PCMTD2: variants seen among roughly 807,000 people sequenced by gnomAD.
PCMTD2 encodes the protein protein-L-isoaspartate O-methyltransferase domain-containing protein 2.
A neutral mutation model predicts 33.4 loss-of-function variants in PCMTD2; 16 were observed. That is an observed-to-expected ratio of 0.48 (90% confidence interval 0.32 to 0.73). The LOEUF (loss-of-function observed/expected upper bound fraction) is 0.73. Among genes scored for constraint, PCMTD2 ranks in the 30% least tolerant of loss-of-function variants. The pLI is 0.03. For synonymous variants in PCMTD2, 161 were observed against 160.8 expected (o/e 1.00, Z -0.01); for missense variants, 374 against 449.9 (o/e 0.83, Z 1.53).
chr20:64,256,090 G>T (rs1469267405), intron 1 of PCMTD2, among the ~76,000 whole-genome samples: 1 of 152,056 alleles, frequency 6.6e-6, no homozygotes, highest in Non-Finnish European at 1.5e-5. Context: ...GCGGTTTCCC[G>T]TCGGTCTCTC....
rs775544236 is a variant in PCMTD2, at chr20:64,260,213, C to T, written c.248C>T (p.Ser83Leu). The T allele has an allele frequency of 1.2e-6, 2 of 1,613,838 alleles. No individual in the cohort carries two copies. Among genetic ancestry groups the T allele is most frequent in the Non-Finnish European group, 8.5e-7 (1 of 1,179,716 alleles). Residue 83 changes from serine (S) to leucine (L), a missense_variant, in exon 2 of 6, where the codon TCG becomes TTG. By Grantham distance (145) the Ser-to-Leu change is moderately radical. Transcript: ENST00000308824. ...MEALDLQPGL[S>L]FLNLGSGTGY... ...GCCCTAGATCTGCAGCCTGGACTCT[C>T]GTTTCTGAACCTGGGCAGTGGCACT... is the stretch of plus-strand genomic sequence containing the variant.
chr20:64,261,587 T>C (rs756653611), intron 2 of PCMTD2, among the ~76,000 whole-genome samples: 34 of 135,988 alleles, frequency 2.5e-4, no homozygotes, highest in Non-Finnish European at 3.5e-4. Flanking sequence ...TTTGTGGATA[T>C]GGAATGATAA....
At chr20:64,270,445 C>G (rs1985866476) in intron 5 of PCMTD2, among the ~76,000 whole-genome samples, 1 of 142,184 alleles carries the variant, frequency 7.0e-6, no homozygotes, top group Non-Finnish European at 1.5e-5. Flanking sequence ...TGTCATGTGA[C>G]TGCGGATGTG....
At chr20:64,267,169 A>G (rs969216766) in intron 4 of PCMTD2, among the ~76,000 whole-genome samples, 2 of 152,218 alleles carry the variant, frequency 1.3e-5, no homozygotes, top group East Asian at 1.9e-4. Flanking sequence ...CCAGCCACAC[A>G]GAGTGCACAG....
At chr20:64,257,061 C>G (rs1985197658) in intron 1 of PCMTD2, 1 of 152,206 alleles carries the variant, frequency 6.6e-6, no homozygotes, top group African/African-American at 2.4e-5. Context: ...GGTGAGAAAT[C>G]TGTTTGTGTG....
chr20:64,256,172 A>G (rs1352214642), intron 1 of PCMTD2, among the ~76,000 whole-genome samples: 5 of 152,288 alleles, frequency 3.3e-5, no homozygotes, highest in South Asian at 2.1e-4. Context: ...TGACTTCCCA[A>G]GTGGGAAACG....
intron 2 of PCMTD2, among the ~76,000 whole-genome samples, chr20:64,260,773 A>C (rs111762126): frequency 0.03 from 4,438 of 147,338 alleles, 100 homozygotes; most frequent in Non-Finnish European, 0.04. Flanking sequence ...TGACACGAGC[A>C]AGGCCCACTG....
Position 64,269,039 on chromosome 20 carries a change from C to T in PCMTD2, c.706+1029C>T, listed in dbSNP as rs934208943. Reference sequence around the variant, plus strand: ...CAGTGGCAGGACATAAATCAAAATGCGTGTTCCCCGTGTAGTCAGAGTTGG... The same window carrying T: ...CAGTGGCAGGACATAAATCAAAATGTGTGTTCCCCGTGTAGTCAGAGTTGG... On this transcript the variant is annotated intron_variant, in intron 5 of 5. Transcript: ENST00000308824. 3.3e-5 allele frequency among the ~76,000 whole-genome samples: 5 copies of T among 152,198 alleles called. No individual in the cohort carries two copies. The East Asian group carries it at 5.8e-4, about 18-fold the overall frequency.
Position 64,273,608 on chromosome 20 carries a change from G to A in PCMTD2, c.*8G>A, listed in dbSNP as rs762461385. The A allele has an allele frequency of 2.0e-6, 3 of 1,513,462 alleles. No individual in the cohort carries two copies. In the South Asian group the frequency reaches 4.1e-5, roughly 21 times the overall value. 93.8% of individuals were successfully genotyped at this position (1,513,462 alleles called of 1,614,324 possible). A position where few individuals can be genotyped will look rare whatever the true frequency, so the allele number is the denominator to read the frequency against. On this transcript the variant is annotated 3_prime_UTR_variant, in exon 6 of 6. Coordinates refer to ENST00000308824, the MANE Select transcript of PCMTD2 (RefSeq NM_018257.3). The stretch of plus-strand genomic sequence containing the variant: ...TATTACAGAGAAAAATAAGTCTCCT[G>A]TTTGAAAGGGGGAAATAGGAAGAGC...
chr20:64,260,183 T>G lies in PCMTD2; in HGVS notation c.218T>G (p.Met73Arg). 1 of 1,613,386 alleles carries G rather than the reference T, an allele frequency of 6.2e-7. No individual in the cohort carries two copies. The highest frequency in any genetic ancestry group is 1.3e-5 in the African/African-American group (1 of 75,024). Residue 73 changes from methionine to arginine, a missense_variant, in exon 2 of 6, where the codon ATG becomes AGG. Met to Arg is a moderately conservative substitution (Grantham distance 91, BLOSUM62 -1). Coordinates refer to ENST00000308824, the MANE Select transcript of PCMTD2 (RefSeq NM_018257.3). ...LSAPCIYSEV[M>R]EALDLQPGLS... ...GCCCCGTGCATCTACTCGGAGGTGA[T>G]GGAAGCCCTAGATCTGCAGCCTGGA...
intron 4 of PCMTD2, among the ~76,000 whole-genome samples, chr20:64,266,718 T>C (rs573241577): frequency 6.6e-6 from 1 of 152,238 alleles, no homozygotes; most frequent in Non-Finnish European, 1.5e-5. Flanking sequence ...ACAAGTGATA[T>C]TACAGATCTT....
intron 1 of PCMTD2, chr20:64,259,730 T>G: frequency 1.8e-6 from 1 of 548,726 alleles, no homozygotes; most frequent in Non-Finnish European, 3.2e-6. Flanking sequence ...ACTTTTAGTA[T>G]TGTTGTTTAC....
intron 2 of PCMTD2, among the ~76,000 whole-genome samples, chr20:64,262,294 T>C (rs77265978): frequency 0.044 from 6,626 of 152,250 alleles, 208 homozygotes; most frequent in South Asian, 0.079. Flanking sequence ...GGCCTTGCTG[T>C]ACTTGACATC....
chr20:64,272,043 A>G, intron 5 of PCMTD2: 1 of 365,926 alleles, frequency 2.7e-6, no homozygotes, highest in South Asian at 2.0e-5. Flanking sequence ...CTGAAGACAA[A>G]GGAAGTGCCG....
intron 1 of PCMTD2, among the ~76,000 whole-genome samples, chr20:64,257,274 A>G (rs905325503): frequency 1.3e-4 from 20 of 152,340 alleles, no homozygotes; most frequent in African/African-American, 4.8e-4. Flanking sequence ...CTCAGGTGTC[A>G]GTTCTGAGAC....
chr20:64,273,732 A>G lies in PCMTD2; in HGVS notation c.*132A>G, dbSNP rs551223728. 3.1e-6 allele frequency: 2 copies of G among 642,938 alleles called. No homozygotes were observed. The highest frequency in any genetic ancestry group is 2.2e-5 in the African/African-American group (1 of 46,326). 39.8% of individuals were successfully genotyped at this position (642,938 alleles called of 1,614,324 possible). On this transcript the variant is annotated 3_prime_UTR_variant, in exon 6 of 6. Transcript: ENST00000308824. ...GGGAACTGCTGGGCTCATCCACACC[A>G]TGGTTTTCTTCTAGTTCCTGATTGA... is the stretch of plus-strand genomic sequence containing the variant.
chr20:64,272,672 T>C (rs186850959), intron 5 of PCMTD2, among the ~76,000 whole-genome samples: 1 of 152,204 alleles, frequency 6.6e-6, no homozygotes, highest in East Asian at 1.9e-4. Flanking sequence ...ATACAAAAAT[T>C]AGCTGGGCGT....
Position 64,273,510 on chromosome 20 carries a change from C to A in PCMTD2, c.996C>A (p.Asp332Glu), listed in dbSNP as rs146314236. Residue 332 changes from aspartate to glutamate, a missense_variant, in exon 6 of 6, where the codon GAC becomes GAA. Coordinates refer to ENST00000308824, the MANE Select transcript of PCMTD2 (RefSeq NM_018257.3). The stretch of plus-strand genomic sequence containing the variant: ...AGACCCCGCCGGAAACAAAGCCAGA[C>A]CCCCCAGTGAACTTCCTACGCCAGA... The part of the protein sequence containing the change: ...EEKTPPETKP[D>E]PPVNFLRQKV... 7.5e-5 allele frequency: 120 copies of A among 1,600,650 alleles called. No individual in the cohort carries two copies. The highest frequency in any genetic ancestry group is 9.4e-5 in the Non-Finnish European group (111 of 1,174,780).
intron 2 of PCMTD2, among the ~76,000 whole-genome samples, chr20:64,260,753 T>G (rs1021962951): frequency 6.8e-6 from 1 of 147,668 alleles, no homozygotes; most frequent in Non-Finnish European, 1.5e-5. Flanking sequence ...TCGTCTAGGC[T>G]GGAGTGCCGT....
Sources: allele counts gnomAD v4.1 joint callset (sites outside exome capture counted in the v4.1 genomes callset), GRCh38; gene constraint gnomAD v4.1.1; transcripts MANE v1.5; gene names NCBI Gene and HGNC (gene_info 2026-07-23, HGNC 2026-07-21).